ANO10: variants seen among roughly 807,000 people sequenced by gnomAD.
The protein encoded by ANO10 is anoctamin-10.
ANO10 carries 77 observed loss-of-function variants against 74.7 expected under a neutral mutation model. That is an observed-to-expected ratio of 1.03 (90% CI 0.86 to 1.25). The LOEUF (loss-of-function observed/expected upper bound fraction) is 1.25. ANO10 is among the 50% of genes most tolerant of loss of function. The probability of loss-of-function intolerance (pLI) is 0.00; values close to 1 mark genes in which losing one functional copy is unlikely to be tolerated. For missense variants in ANO10, 721 were observed against 778.1 expected, an observed-to-expected ratio of 0.93 and a Z score of 0.87; for synonymous variants, 279 against 284.9, an observed-to-expected ratio of 0.98 and a Z score of 0.21.
intron 2 of ANO10, among the ~76,000 whole-genome samples, chr3:43,601,927 T>A (rs1346234155): frequency 6.6e-6 from 1 of 152,226 alleles, no homozygotes; most frequent in Non-Finnish European, 1.5e-5. Context: ...AGGCTCCTGG[T>A]GCCACACCTT....
intron 1 of ANO10, among the ~76,000 whole-genome samples, chr3:43,668,273 A>G (rs2084015804): frequency 6.6e-6 from 1 of 150,694 alleles, no homozygotes; most frequent in Non-Finnish European, 1.5e-5. Flanking sequence ...CCACATTTTT[A>G]TGGGATTGTT....
At chr3:43,601,383 G>A (rs1040074968) in intron 2 of ANO10, among the ~76,000 whole-genome samples, 2 of 152,042 alleles carry the variant, frequency 1.3e-5, no homozygotes, top group African/African-American at 4.8e-5. Flanking sequence ...TTTTTGTAGA[G>A]GCAGGGTTTC....
At chr3:43,540,400 T>C (rs533934185) in intron 11 of ANO10, among the ~76,000 whole-genome samples, 1 of 152,296 alleles carries the variant, frequency 6.6e-6, no homozygotes, top group African/African-American at 2.4e-5. Context: ...TGTGAAGCAA[T>C]GTAAAAACAG....
At chr3:43,376,933 C>T (rs534431733) in intron 12 of ANO10, among the ~76,000 whole-genome samples, 2 of 152,282 alleles carry the variant, frequency 1.3e-5, no homozygotes, top group African/African-American at 4.8e-5. Flanking sequence ...GTGTATTATC[C>T]TCAGCCCCAT....
intron 9 of ANO10, among the ~76,000 whole-genome samples, chr3:43,555,890 A>T (rs765214722): frequency 3.3e-5 from 5 of 152,202 alleles, no homozygotes; most frequent in Admixed American, 6.5e-5. Context: ...TGGGAATGGC[A>T]AAAGGTGCTT....
In ANO10 at chr3:43,518,147, C is replaced by T. The variant is rs146347642; in HGVS notation, c.1797+31573G>A. Among the ~76,000 whole-genome samples, 122 of 152,234 alleles carry T rather than the reference C, an allele frequency of 8.0e-4. 1 individual carries two copies. Among genetic ancestry groups the T allele is most frequent in the African/African-American group, 2.7e-3 (111 of 41,534 alleles). ...GTTGTGGGAAGTCAGGAACCCTGAA[C>T]GGAGGGACCTGCTGAAGCTGTGACA... On this transcript the variant is annotated intron_variant, in intron 11 of 12. Transcript: ENST00000292246.
chr3:43,608,702 C>T (rs1206511579), intron 1 of ANO10, among the ~76,000 whole-genome samples: 1 of 152,138 alleles, frequency 6.6e-6, no homozygotes, highest in Non-Finnish European at 1.5e-5. Flanking sequence ...CCACTTCAAC[C>T]TTCCAAGTAG....
intron 12 of ANO10, among the ~76,000 whole-genome samples, chr3:43,417,025 G>A (rs1356866156): frequency 6.6e-6 from 1 of 152,206 alleles, no homozygotes; most frequent in African/African-American, 2.4e-5. Context: ...GCCCAAAGCT[G>A]TGCTAGGCAC....
At chr3:43,440,361 C>A (rs923231347) in intron 11 of ANO10, among the ~76,000 whole-genome samples, 16 of 152,072 alleles carry the variant, frequency 1.1e-4, no homozygotes, top group Non-Finnish European at 1.9e-4. Context: ...TGCTCATTTT[C>A]ATTTACCATG....
At chr3:43,661,997 C>T (rs1385748557) in intron 1 of ANO10, among the ~76,000 whole-genome samples, 14 of 152,076 alleles carry the variant, frequency 9.2e-5, no homozygotes, top group African/African-American at 2.7e-4. Flanking sequence ...GACAGATCAA[C>T]GAGACAGAAA....
At chr3:43,437,477 G>A (rs888029307) in intron 11 of ANO10, among the ~76,000 whole-genome samples, 1 of 152,190 alleles carries the variant, frequency 6.6e-6, no homozygotes, top group Non-Finnish European at 1.5e-5. Context: ...TCTTTTCAGA[G>A]GACCGCCTGA....
intron 1 of ANO10, among the ~76,000 whole-genome samples, chr3:43,609,884 T>C (rs1251009471): frequency 6.6e-6 from 1 of 152,172 alleles, no homozygotes; most frequent in Non-Finnish European, 1.5e-5. Flanking sequence ...GGACTGGAAG[T>C]TGCTCTGGGT....
intron 4 of ANO10, among the ~76,000 whole-genome samples, chr3:43,592,425 C>T (rs112654774): frequency 0.064 from 9,790 of 152,278 alleles, 445 homozygotes; most frequent in Middle Eastern, 0.14. Context: ...CAGGCTGCAA[C>T]ATTTGCCATT....
intron 4 of ANO10, among the ~76,000 whole-genome samples, chr3:43,589,388 T>TG (rs1436323789): frequency 6.6e-6 from 1 of 152,178 alleles, no homozygotes; most frequent in Admixed American, 6.5e-5. Context: ...TGCATTCCTT[T>TG]ATGAACTGAA....
intron 12 of ANO10, among the ~76,000 whole-genome samples, chr3:43,423,723 T>C (rs573058797): frequency 6.6e-6 from 1 of 152,338 alleles, no homozygotes; most frequent in African/African-American, 2.4e-5. Context: ...ATTTTATCAA[T>C]TGGAGAGAAA....
chr3:43,586,313 G>A (rs1273126626), intron 4 of ANO10, among the ~76,000 whole-genome samples: 1 of 152,094 alleles, frequency 6.6e-6, no homozygotes. Context: ...GTCTTGGTGG[G>A]CCAAAGACAG....
At position 43,667,901 on chromosome 3, in the gene ANO10, G is replaced by T. The variant is rs551399135; in HGVS notation, c.-12+23616C>A. 7.9e-4 allele frequency among the ~76,000 whole-genome samples: 121 copies of T among 152,246 alleles called. 1 individual carries two copies. Among genetic ancestry groups the T allele is most frequent in the African/African-American group, 2.9e-3 (119 of 41,556 alleles). On this transcript the variant is annotated intron_variant, in intron 1 of 3. Transcript: ENST00000413397. ...ACAATTGCCAATCATGGAGAAACAT[G>T]TGTGTGTAAGTATCTTTTTATATAA...
chr3:43,412,740 T>G (rs530213056), intron 12 of ANO10, among the ~76,000 whole-genome samples: 1 of 152,308 alleles, frequency 6.6e-6, no homozygotes, highest in East Asian at 1.9e-4. Flanking sequence ...TATAAGAGCC[T>G]GTACTTGGAG....
intron 1 of ANO10, among the ~76,000 whole-genome samples, chr3:43,620,418 CAT>C (rs2083329252): frequency 6.6e-6 from 1 of 152,148 alleles, no homozygotes; most frequent in Non-Finnish European, 1.5e-5. Flanking sequence ...AATGTTATTA[CAT>C]GTGGCAAAAC....
Sources: allele counts gnomAD v4.1 joint callset (sites outside exome capture counted in the v4.1 genomes callset), GRCh38; gene constraint gnomAD v4.1.1; transcripts MANE v1.5; gene names NCBI Gene and HGNC (gene_info 2026-07-23, HGNC 2026-07-21).